Variants in ATP11C observed in about 807,000 individuals in gnomAD.
ATP11C encodes the protein ATPase phospholipid transporting 11C (ATP11C blood group).
In ATP11C, 36 loss-of-function variants were observed where a neutral mutation model predicts 97.4. That is an observed-to-expected ratio of 0.37 (90% CI 0.28 to 0.49). The LOEUF (loss-of-function observed/expected upper bound fraction) is 0.49, where lower values mean the gene tolerates loss of function less well. Ranked by LOEUF, ATP11C falls within the 20% of genes least tolerant of loss-of-function variation. The pLI is 0.98. For synonymous variants in ATP11C, 275 were observed against 290.9 expected, an observed-to-expected ratio of 0.95 and a Z score of 0.56; for missense variants, 730 against 824.6, an observed-to-expected ratio of 0.89 and a Z score of 1.40.
At chrX:139,921,999 G>A (rs2085265764) in intron 1 of ATP11C, among the ~76,000 whole-genome samples, 1 of 108,301 alleles carries the variant, frequency 9.2e-6, no homozygotes, top group African/African-American at 3.4e-5. Flanking sequence ...GAGGTCAGGA[G>A]TTCAAGACCA....
Position 139,850,488 on chromosome X carries a change from A to C in ATP11C, c.28-23665T>G, listed in dbSNP as rs1488426795. ...GGGCAGGATTTAAGAGCAATGAACT[A>C]ATGAACTAGGATATTTGGTAGAAGA... On this transcript the variant is annotated intron_variant, in intron 1 of 29. Coordinates refer to ENST00000682941, the MANE Select transcript of ATP11C (RefSeq NM_001353812.2). Among the ~76,000 whole-genome samples the C allele has an allele frequency of 4.5e-5, 5 of 112,169 alleles. No individual in the cohort carries two copies. The East Asian group carries it at 1.4e-3, about 31-fold the overall frequency.
intron 29 of ATP11C, 101 bp from the exon 30 acceptor site, chrX:139,729,063 G>A (rs1289069521): frequency 3.9e-5 from 24 of 614,625 alleles, no homozygotes; most frequent in East Asian, 3.6e-5. Context: ...TGTTATGAGA[G>A]TAAAGCAACT....
At chrX:139,784,290 T>G (rs1205878088) in intron 16 of ATP11C, among the ~76,000 whole-genome samples, 1 of 111,420 alleles carries the variant, frequency 9.0e-6, no homozygotes, top group African/African-American at 3.3e-5. Context: ...CATTTATTCT[T>G]ACACATCCAA....
chrX:139,785,248 A>G lies in ATP11C; in HGVS notation c.1644T>C (p.Ser548=), dbSNP rs3747365. The change falls in exon 16 of 30, where the codon AGT becomes AGC. Residue 548 remains serine (S), a synonymous_variant. Coordinates refer to ENST00000682941, the MANE Select transcript of ATP11C (RefSeq NM_001353812.2). ...LNFDAVRRRM[S]VIVKTQEGDI... ...TACCTTCTTGAGTCTTCACAATTAC[A>G]CTCATACGTCGCCGGACAGCATCAA... The G allele has an allele frequency of 4.8e-3, 5,833 of 1,206,217 alleles. 173 individuals are homozygous for G. In the Admixed American group the frequency reaches 0.074, roughly 15 times the overall value.
At chrX:139,734,404 T>C (rs774651922) in intron 28 of ATP11C, among the ~76,000 whole-genome samples, 1 of 111,402 alleles carries the variant, frequency 9.0e-6, no homozygotes, top group South Asian at 3.8e-4. Context: ...TGCATTCCCA[T>C]TAAATTATAG....
At chrX:139,899,471 C>T (rs1483176007) in intron 1 of ATP11C, among the ~76,000 whole-genome samples, 1 of 100,573 alleles carries the variant, frequency 9.9e-6, no homozygotes, top group Non-Finnish European at 2.0e-5. Context: ...AGCAAGACTG[C>T]GTCTCAAAAA....
At chrX:139,775,862 C>T (rs1024488061) in intron 18 of ATP11C, among the ~76,000 whole-genome samples, 2 of 112,681 alleles carry the variant, frequency 1.8e-5, no homozygotes, top group Admixed American at 9.3e-5. Flanking sequence ...GGCCAATGCC[C>T]TACCTAGGGG....
At chrX:139,886,527 G>A (rs761181668) in intron 1 of ATP11C, among the ~76,000 whole-genome samples, 3 of 104,805 alleles carry the variant, frequency 2.9e-5, no homozygotes, top group African/African-American at 1.1e-4. Flanking sequence ...AACCCGGGAA[G>A]TGGAGGTTGC....
At chrX:139,919,636 T>C (rs765466513) in intron 1 of ATP11C, among the ~76,000 whole-genome samples, 1 of 112,617 alleles carries the variant, frequency 8.9e-6, no homozygotes, top group Non-Finnish European at 1.9e-5. Context: ...AGCAAAAAAA[T>C]GTGCCAGGCA....
chrX:139,889,044 G>GTA (rs2084689442), intron 1 of ATP11C, among the ~76,000 whole-genome samples: 1 of 111,632 alleles, frequency 9.0e-6, no homozygotes, highest in African/African-American at 3.3e-5. Context: ...CTGACCTCAA[G>GTA]TAACTCGCTC....
chrX:139,801,892 T>C (rs1478969352), intron 7 of ATP11C, among the ~76,000 whole-genome samples: 1 of 112,143 alleles, frequency 8.9e-6, no homozygotes, highest in East Asian at 2.8e-4. Flanking sequence ...TAATGTTAGA[T>C]GGCATGTAAA....
At chrX:139,736,067 A>G (rs918920692) in intron 28 of ATP11C, among the ~76,000 whole-genome samples, 1 of 112,103 alleles carries the variant, frequency 8.9e-6, no homozygotes, top group African/African-American at 3.2e-5. Flanking sequence ...GACATAACCC[A>G]TAACAAATTT....
intron 1 of ATP11C, among the ~76,000 whole-genome samples, chrX:139,883,051 G>T (rs1378698992): frequency 8.9e-6 from 1 of 111,778 alleles, no homozygotes; most frequent in Non-Finnish European, 1.9e-5. Flanking sequence ...TGTTCTGCTA[G>T]CAGAACGAAG....
At chrX:139,873,061 A>C (rs775674460) in intron 1 of ATP11C, among the ~76,000 whole-genome samples, 2 of 112,304 alleles carry the variant, frequency 1.8e-5, no homozygotes, top group Non-Finnish European at 3.8e-5. Context: ...CACATTTTTA[A>C]AGACATGCTA....
chrX:139,766,762 G>A (rs907166528), intron 20 of ATP11C, among the ~76,000 whole-genome samples: 1 of 111,931 alleles, frequency 8.9e-6, no homozygotes, highest in Non-Finnish European at 1.9e-5. Flanking sequence ...GAAAAAGTAG[G>A]TAATGGAGAC....
intron 16 of ATP11C, among the ~76,000 whole-genome samples, chrX:139,783,999 A>G (rs1347376074): frequency 8.9e-6 from 1 of 112,492 alleles, no homozygotes. Flanking sequence ...TTCTAAAACA[A>G]TGGCTTGATA....
In ATP11C at chrX:139,726,698, CA is replaced by C. The variant is rs1361711112; in HGVS notation, c.*2267del. ...TTTTCAGTTTAGTAGGTAACATCCT[CA>C]AACAATGGACAGCGGTTGTGAAAAT... On this transcript the variant is annotated 3_prime_UTR_variant, in exon 30 of 30. Transcript: ENST00000682941. 1 of 112,420 alleles carries C rather than the reference CA, an allele frequency of 8.9e-6. No homozygotes were observed. The highest frequency in any genetic ancestry group is 2.8e-4 in the East Asian group (1 of 3,572). 9.3% of individuals were successfully genotyped at this position (112,420 alleles called of 1,213,427 possible).
At chrX:139,772,878 T>C (rs1483441235) in intron 19 of ATP11C, among the ~76,000 whole-genome samples, 1 of 111,380 alleles carries the variant, frequency 9.0e-6, no homozygotes, top group African/African-American at 3.3e-5. Flanking sequence ...TGTAGACTTT[T>C]GGGTTAATGC....
chrX:139,744,072 A>AT (rs769668770), intron 25 of ATP11C, among the ~76,000 whole-genome samples: 2 of 111,044 alleles, frequency 1.8e-5, no homozygotes, highest in Non-Finnish European at 3.8e-5. Flanking sequence ...AATGAGTCTG[A>AT]TTTTTTTGGC....
Sources: gnomAD v4.1 joint callset for allele counts (sites outside exome capture counted in the v4.1 genomes callset) on GRCh38, gnomAD v4.1.1 for gene constraint, MANE v1.5 for transcripts, NCBI Gene and HGNC (gene_info 2026-07-23, HGNC 2026-07-21) for gene names.